PSTPIP2: variants seen among roughly 807,000 people sequenced by gnomAD.
PSTPIP2 encodes proline-serine-threonine phosphatase interacting protein 2.
In PSTPIP2, 33 loss-of-function variants were observed where a neutral mutation model predicts 63.3. The ratio of observed to expected loss-of-function variants is 0.52; its 90% CI spans 0.40 to 0.70. The LOEUF (loss-of-function observed/expected upper bound fraction) is 0.70, where lower values mean the gene tolerates loss of function less well. Among genes scored for constraint, PSTPIP2 ranks in the 30% least tolerant of loss-of-function variants. The pLI is 0.00. For missense variants in PSTPIP2, 312 were observed against 400.7 expected (o/e 0.78, Z 1.89); for synonymous variants, 125 against 132.7 (o/e 0.94, Z 0.40).
chr18:46,004,844 C>G (rs533996498), intron 6 of PSTPIP2, among the ~76,000 whole-genome samples: 3 of 152,188 alleles, frequency 2.0e-5, no homozygotes, highest in Non-Finnish European at 2.9e-5. Flanking sequence ...TTTGACCCAG[C>G]AATCCCATTA....
chr18:46,054,879 A>G lies in PSTPIP2; in HGVS notation c.34-14832T>C, dbSNP rs574172238. On this transcript the variant is annotated intron_variant, in intron 1 of 14. Transcript: ENST00000409746. ...CTTTACCGTTGGTCAAGCTGGTCTC[A>G]AACTCCTGACCTCGTTATCCACCCG... Among the ~76,000 whole-genome samples the G allele has an allele frequency of 3.9e-5, 6 of 152,044 alleles. No individual in the cohort carries two copies. In the South Asian group the frequency reaches 1.2e-3, roughly 32 times the overall value.
chr18:46,028,413 G>C, intron 2 of PSTPIP2: 1 of 535,518 alleles, frequency 1.9e-6, no homozygotes. Context: ...GGGAAGAGGA[G>C]AGACGGCTCC....
chr18:45,988,701 C>T lies in PSTPIP2; in HGVS notation c.*8+1G>A. On this transcript the variant is annotated splice_donor_variant, in intron 14 of 14. Coordinates refer to ENST00000409746, the MANE Select transcript of PSTPIP2 (RefSeq NM_024430.4). LOFTEE classifies it low-confidence loss of function (3UTR_SPLICE). ...ATTATGTGAAAAATAAAGGTTCTTA[C>T]CATTGATTTTACTGATAGAGCAAAC... The T allele has an allele frequency of 1.3e-6, 2 of 1,539,962 alleles. No homozygotes were observed. Among genetic ancestry groups the T allele is most frequent in the Non-Finnish European group, 1.8e-6 (2 of 1,112,824 alleles).
In PSTPIP2 at chr18:46,024,595, A is replaced by C; in HGVS notation, c.212+14T>G. 1 of 1,610,586 alleles carries C rather than the reference A, an allele frequency of 6.2e-7. No homozygotes were observed. The highest frequency in any genetic ancestry group is 1.1e-5 in the South Asian group (1 of 90,954). ...TTAACCAACCTGGAAACCAGAAAAA[A>C]ACTTGATACATACTTGATTTCAGAC... On this transcript the variant is annotated intron_variant, in intron 3 of 14. Coordinates refer to ENST00000409746, the MANE Select transcript of PSTPIP2 (RefSeq NM_024430.4).
chr18:45,997,297 T>G (rs1488243302), intron 9 of PSTPIP2, among the ~76,000 whole-genome samples: 1 of 152,100 alleles, frequency 6.6e-6, no homozygotes, highest in African/African-American at 2.4e-5. Context: ...CAAGCTATAC[T>G]CCTGCCTCAG....
chr18:45,985,838 G>C (rs992431015), intron 14 of PSTPIP2, among the ~76,000 whole-genome samples: 1 of 150,766 alleles, frequency 6.6e-6, no homozygotes, highest in Non-Finnish European at 1.5e-5. Flanking sequence ...GTGCAGTGGC[G>C]CAATCTCAGC....
chr18:46,036,221 G>T (rs565259338), intron 2 of PSTPIP2, among the ~76,000 whole-genome samples: 2 of 150,830 alleles, frequency 1.3e-5, no homozygotes, highest in African/African-American at 4.8e-5. Flanking sequence ...AACAATTATT[G>T]TAACAATGTA....
intron 2 of PSTPIP2, among the ~76,000 whole-genome samples, chr18:46,034,929 T>C (rs1407456352): frequency 6.6e-6 from 1 of 152,206 alleles, no homozygotes; most frequent in Non-Finnish European, 1.5e-5. Context: ...AGCTACCCTC[T>C]AAGGTATGAT....
Position 46,040,050 on chromosome 18 carries a change from G to A in PSTPIP2, c.34-3C>T, listed in dbSNP as rs1908134382. ...ATGGTGCTGAGGATGTCTGCACTCT[G>A]GGGGAAAGACAACATGGCATCAGAC... On this transcript the variant is annotated splice_polypyrimidine_tract_variant and splice_region_variant and intron_variant, in intron 1 of 14. Transcript: ENST00000409746. 1 of 1,593,064 alleles carries A rather than the reference G, an allele frequency of 6.3e-7. No individual in the cohort carries two copies. The highest frequency in any genetic ancestry group is 8.6e-7 in the Non-Finnish European group (1 of 1,167,816).
At chr18:46,067,371 C>T (rs1599755034) in intron 1 of PSTPIP2, among the ~76,000 whole-genome samples, 1 of 151,838 alleles carries the variant, frequency 6.6e-6, no homozygotes, top group East Asian at 2.0e-4. Flanking sequence ...GGCGTGGTGG[C>T]GGGCCCCTGT....
intron 1 of PSTPIP2, among the ~76,000 whole-genome samples, chr18:46,042,135 C>T (rs558597652): frequency 6.6e-6 from 1 of 152,138 alleles, no homozygotes; most frequent in Non-Finnish European, 1.5e-5. Context: ...AAAACTTTTA[C>T]AAGTTACGAA....
chr18:46,005,578 T>A, intron 5 of PSTPIP2, 47 bp from the exon 6 acceptor site: 8 of 1,362,658 alleles, frequency 5.9e-6, no homozygotes, highest in Non-Finnish European at 7.1e-6. Context: ...AAATCATTAT[T>A]AATAAAAACA....
intron 2 of PSTPIP2, among the ~76,000 whole-genome samples, chr18:46,032,442 G>A (rs756623298): frequency 2.4e-4 from 37 of 152,070 alleles, no homozygotes; most frequent in South Asian, 4.1e-4. Flanking sequence ...AATAATCCAT[G>A]TGCCATTTTC....
intron 1 of PSTPIP2, among the ~76,000 whole-genome samples, chr18:46,068,263 C>T (rs1909264627): frequency 6.6e-6 from 1 of 152,068 alleles, no homozygotes; most frequent in Non-Finnish European, 1.5e-5. Context: ...AATACTACAC[C>T]ATTTTATAGA....
At chr18:46,010,846 G>A in intron 5 of PSTPIP2, 1 of 214,732 alleles carries the variant, frequency 4.7e-6, no homozygotes, top group Non-Finnish European at 9.5e-6. Flanking sequence ...TGAGGAGTGT[G>A]GTTTTGGGAG....
intron 2 of PSTPIP2, chr18:46,028,547 G>A (rs1907677205): frequency 1.4e-6 from 1 of 700,926 alleles, no homozygotes; most frequent in Admixed American, 1.8e-5. Flanking sequence ...GGGGTCCGTG[G>A]GTTCAAGGAC....
At chr18:46,016,580 T>G (rs758572891) in intron 3 of PSTPIP2, among the ~76,000 whole-genome samples, 1 of 152,224 alleles carries the variant, frequency 6.6e-6, no homozygotes. Flanking sequence ...CAGAGTCTAA[T>G]GGAGGAGACA....
chr18:46,037,366 CAA>C (rs1908018366), intron 2 of PSTPIP2, among the ~76,000 whole-genome samples: 1 of 152,142 alleles, frequency 6.6e-6, no homozygotes, highest in Non-Finnish European at 1.5e-5. Flanking sequence ...AGGCTGGTCT[CAA>C]ACTCTCGACC....
chr18:45,999,034 G>A (rs2051636514), intron 7 of PSTPIP2, among the ~76,000 whole-genome samples, 195 bp from the exon 8 acceptor site: 1 of 152,080 alleles, frequency 6.6e-6, no homozygotes, highest in Admixed American at 6.5e-5. Context: ...TATCCATAAA[G>A]CATCTTGCCC....
Sources: allele counts gnomAD v4.1 joint callset (sites outside exome capture counted in the v4.1 genomes callset), GRCh38; gene constraint gnomAD v4.1.1; transcripts MANE v1.5; gene names NCBI Gene and HGNC (gene_info 2026-07-23, HGNC 2026-07-21).